Variants in LSAMP observed in about 807,000 individuals in gnomAD.
The protein encoded by LSAMP is limbic system associated membrane protein.
LSAMP carries 7 observed loss-of-function variants against 38.6 expected under a neutral mutation model. That is an observed-to-expected ratio of 0.18 (90% CI 0.10 to 0.34). LSAMP has a LOEUF of 0.34. Ranked by LOEUF, LSAMP falls within the 10% of genes least tolerant of loss-of-function variation. LSAMP has a pLI of 1.00. For synonymous variants in LSAMP, 154 were observed against 166.8 expected (o/e 0.92, Z 0.59); for missense variants, 313 against 420.0 (o/e 0.75, Z 2.23).
At chr3:115,944,461 T>C (rs757761878) in intron 3 of LSAMP, among the ~76,000 whole-genome samples, 31 of 152,112 alleles carry the variant, frequency 2.0e-4, no homozygotes, top group Non-Finnish European at 1.2e-4. Context: ...CCTCTTATAG[T>C]TTAATTGTTC....
intron 3 of LSAMP, among the ~76,000 whole-genome samples, chr3:115,914,431 C>G (rs1937202759): frequency 6.6e-6 from 1 of 152,128 alleles, no homozygotes; most frequent in Admixed American, 6.5e-5. Context: ...AGCAAGAATC[C>G]CCCTATCGTT....
intron 1 of LSAMP, among the ~76,000 whole-genome samples, chr3:116,088,299 C>G (rs1045200232): frequency 6.6e-6 from 1 of 152,154 alleles, no homozygotes; most frequent in East Asian, 1.9e-4. Flanking sequence ...ATCTCCATTT[C>G]CCAGTATGTG....
chr3:115,940,142 C>A (rs1404410752), intron 3 of LSAMP, among the ~76,000 whole-genome samples: 14 of 152,084 alleles, frequency 9.2e-5, no homozygotes, highest in Non-Finnish European at 1.5e-5. Flanking sequence ...AAGCCACAGA[C>A]CTTCGCAGTG....
At chr3:116,443,136 A>G (rs554462297) in intron 1 of LSAMP, among the ~76,000 whole-genome samples, 1 of 152,220 alleles carries the variant, frequency 6.6e-6, no homozygotes, top group African/African-American at 2.4e-5. Context: ...GCATATATTT[A>G]TATAGAGTGC....
chr3:116,025,855 C>T (rs942072310), intron 2 of LSAMP, among the ~76,000 whole-genome samples: 1 of 152,084 alleles, frequency 6.6e-6, no homozygotes, highest in African/African-American at 2.4e-5. Context: ...TTTTTGAATA[C>T]CACACTATTA....
At chr3:115,893,188 C>T (rs1443664416) in intron 3 of LSAMP, among the ~76,000 whole-genome samples, 1 of 151,822 alleles carries the variant, frequency 6.6e-6, no homozygotes, top group African/African-American at 2.4e-5. Context: ...AGGAGAAACA[C>T]CTTATGTAGA....
intron 2 of LSAMP, among the ~76,000 whole-genome samples, chr3:116,086,043 T>C (rs1707981712): frequency 6.6e-6 from 1 of 152,152 alleles, no homozygotes; most frequent in South Asian, 2.1e-4. Context: ...CTGATTTACA[T>C]TGTTCCAACA....
At chr3:115,937,734 A>G (rs1182787991) in intron 3 of LSAMP, among the ~76,000 whole-genome samples, 2 of 151,918 alleles carry the variant, frequency 1.3e-5, no homozygotes, top group African/African-American at 4.8e-5. Flanking sequence ...CTTAACAAAC[A>G]TACTATTCCT....
intron 2 of LSAMP, among the ~76,000 whole-genome samples, chr3:116,063,086 A>T (rs909148732): frequency 1.3e-5 from 2 of 152,064 alleles, no homozygotes; most frequent in African/African-American, 4.8e-5. Flanking sequence ...ATGTACATAC[A>T]TATTGTGTGT....
chr3:116,168,352 A>G (rs1710111697), intron 1 of LSAMP, among the ~76,000 whole-genome samples: 1 of 152,120 alleles, frequency 6.6e-6, no homozygotes, highest in Non-Finnish European at 1.5e-5. Context: ...AAGAACATTC[A>G]TTTACATTTG....
intron 1 of LSAMP, among the ~76,000 whole-genome samples, chr3:116,280,433 C>T (rs12106881): frequency 0.043 from 6,585 of 152,176 alleles, 469 homozygotes; most frequent in African/African-American, 0.14. Context: ...AAGGACTTGG[C>T]GACTGAGATT....
intron 1 of LSAMP, among the ~76,000 whole-genome samples, chr3:116,339,996 G>T (rs1253009883): frequency 6.6e-6 from 1 of 152,018 alleles, no homozygotes; most frequent in Non-Finnish European, 1.5e-5. Flanking sequence ...TAACAACATG[G>T]TTACTTTACA....
intron 1 of LSAMP, among the ~76,000 whole-genome samples, chr3:116,148,149 C>A (rs1709530174): frequency 6.7e-6 from 1 of 148,316 alleles, no homozygotes; most frequent in Admixed American, 6.7e-5. Context: ...GGAATGTTAT[C>A]CAATTTGCAT....
At chr3:116,169,643 G>A (rs62269190) in intron 1 of LSAMP, among the ~76,000 whole-genome samples, 37,995 of 152,080 alleles carry the variant, frequency 0.25, 4,766 homozygotes, top group Admixed American at 0.29. Context: ...TGTAAGGCAG[G>A]CCTTCTAAAA....
In LSAMP at chr3:115,804,263, G is replaced by A. The variant is rs1217463156; in HGVS notation, c.*6054C>T. On this transcript the variant is annotated 3_prime_UTR_variant, in exon 7 of 7. Coordinates refer to ENST00000490035, the MANE Select transcript of LSAMP (RefSeq NM_002338.5). ...AGCTGCTGTTTACAAACAGTGCTGG[G>A]CACAGCACTAAGTGAATATTAAATT... The A allele has an allele frequency of 6.6e-6, 1 of 152,188 alleles. No homozygotes were observed. The highest frequency in any genetic ancestry group is 1.5e-5 in the Non-Finnish European group (1 of 68,032). 9.4% of individuals were successfully genotyped at this position (152,188 alleles called of 1,614,324 possible). A position where few individuals can be genotyped will look rare whatever the true frequency, so the allele number is the denominator to read the frequency against.
rs1002452946 is a variant in LSAMP at position 116,275,289 on chromosome 3, G to T, written c.155+169588C>A. Among the ~76,000 whole-genome samples, 60 of 152,060 alleles carry T rather than the reference G, an allele frequency of 3.9e-4. 1 individual carries two copies. The highest frequency in any genetic ancestry group is 1.4e-3 in the African/African-American group (57 of 41,394). On this transcript the variant is annotated intron_variant, in intron 1 of 6. Transcript: ENST00000490035. ...GCTGGTCTGGAACTCCTAGGCTCAAGCAATCCTCCCTCCTTGGCCTCCCAA... is the reference window on the plus strand; with the variant it reads ...GCTGGTCTGGAACTCCTAGGCTCAATCAATCCTCCCTCCTTGGCCTCCCAA...
At chr3:116,051,477 T>G (rs1941395587) in intron 2 of LSAMP, among the ~76,000 whole-genome samples, 1 of 152,230 alleles carries the variant, frequency 6.6e-6, no homozygotes, top group African/African-American at 2.4e-5. Context: ...TGAATTTTTC[T>G]TTGGGAATCC....
intron 6 of LSAMP, among the ~76,000 whole-genome samples, chr3:115,811,820 A>G (rs954864655): frequency 3.3e-5 from 5 of 152,262 alleles, no homozygotes; most frequent in Admixed American, 6.5e-5. Context: ...CCTTATAAAT[A>G]TAAGCACACA....
At chr3:116,060,953 A>G (rs1941584029) in intron 2 of LSAMP, among the ~76,000 whole-genome samples, 1 of 151,992 alleles carries the variant, frequency 6.6e-6, no homozygotes, top group Admixed American at 6.5e-5. Context: ...AAATAAAATT[A>G]ATTTTTAACA....
Sources: gnomAD v4.1 joint callset for allele counts (sites outside exome capture counted in the v4.1 genomes callset) on GRCh38, gnomAD v4.1.1 for gene constraint, MANE v1.5 for transcripts, NCBI Gene and HGNC (gene_info 2026-07-23, HGNC 2026-07-21) for gene names.